ADARB2: variants seen among roughly 807,000 people sequenced by gnomAD.
ADARB2 encodes the protein adenosine deaminase RNA specific B2 (inactive).
Under a neutral mutation model 62.2 loss-of-function variants are expected in ADARB2, and 25 were observed. That is an observed-to-expected ratio of 0.40 (90% CI 0.29 to 0.56). The LOEUF (loss-of-function observed/expected upper bound fraction) is 0.56, where lower values mean the gene tolerates loss of function less well. Ranked by LOEUF, ADARB2 falls within the 20% of genes least tolerant of loss-of-function variation. The pLI, the probability that ADARB2 is intolerant of heterozygous loss-of-function variation, is 0.43. For missense variants in ADARB2, 1,071 were observed against 1,077.4 expected, an observed-to-expected ratio of 0.99 and a Z score of 0.08; for synonymous variants, 572 against 500.8, an observed-to-expected ratio of 1.14 and a Z score of -1.90.
intron 8 of ADARB2, among the ~76,000 whole-genome samples, chr10:1,192,119 G>A (rs924984797): frequency 8.5e-5 from 13 of 152,204 alleles, no homozygotes; most frequent in Non-Finnish European, 1.5e-4. Context: ...TAAGTGAGAC[G>A]TTACAGCATT....
At chr10:1,468,111 C>A (rs2131914573) in intron 1 of ADARB2, among the ~76,000 whole-genome samples, 1 of 152,278 alleles carries the variant, frequency 6.6e-6, no homozygotes, top group Non-Finnish European at 1.5e-5. Flanking sequence ...TCAACCTGTC[C>A]TTATTTTCTG....
chr10:1,246,179 G>T (rs1032933131), intron 4 of ADARB2, among the ~76,000 whole-genome samples: 9 of 151,906 alleles, frequency 5.9e-5, no homozygotes, highest in African/African-American at 2.2e-4. Flanking sequence ...ACTTTTTCAT[G>T]GGGTTGTTTG....
chr10:1,716,721 A>C (rs866987), intron 1 of ADARB2, among the ~76,000 whole-genome samples: 14,163 of 152,216 alleles, frequency 0.093, 1,051 homozygotes, highest in African/African-American at 0.2. Context: ...TTGATTTGGA[A>C]ATTTTACTTT....
chr10:1,302,077 C>T lies in ADARB2; in HGVS notation c.1078-31008G>A, dbSNP rs144707483. Among the ~76,000 whole-genome samples the T allele has an allele frequency of 2.9e-3, 443 of 152,304 alleles. 10 individuals are homozygous for T. In the East Asian group the frequency reaches 0.057, roughly 19 times the overall value. On this transcript the variant is annotated intron_variant, in intron 3 of 9. Coordinates refer to ENST00000381312, the MANE Select transcript of ADARB2 (RefSeq NM_018702.4). ...AGTCTACAGCTCCCAGCCTGAGCGA[C>T]GCAGAAGACGGGTGATTTCTGCATT...
At chr10:1,601,267 G>A (rs183569705) in intron 1 of ADARB2, among the ~76,000 whole-genome samples, 106 of 152,264 alleles carry the variant, frequency 7.0e-4, no homozygotes, top group Non-Finnish European at 3.1e-4. Context: ...GAGCCCAGGC[G>A]TCAATGACCA....
At chr10:1,229,134 A>G (rs561419838) in intron 6 of ADARB2, among the ~76,000 whole-genome samples, 19 of 152,342 alleles carry the variant, frequency 1.2e-4, no homozygotes, top group South Asian at 4.2e-4. Context: ...CCTGAGACCA[A>G]TTGGCATTGA....
chr10:1,455,023 G>A (rs1831080882), intron 1 of ADARB2, among the ~76,000 whole-genome samples: 2 of 152,182 alleles, frequency 1.3e-5, no homozygotes, highest in Admixed American at 6.5e-5. Context: ...TACGAAACAC[G>A]AGACTGGAAT....
chr10:1,669,910 C>T (rs4880526), intron 1 of ADARB2, among the ~76,000 whole-genome samples: 146,987 of 151,528 alleles, frequency 0.97, 71,420 homozygotes, highest in East Asian at 1. Flanking sequence ...ACAGACACAC[C>T]CATAGAGAGA....
Position 1,474,797 on chromosome 10 carries a change from C to A in ADARB2, c.101-95637G>T, listed in dbSNP as rs192661629. ...GAGATGAGATTTACGTGTGCAAAGT[C>A]GGGATGGAAACGCCTGTGTAAGAGT... On this transcript the variant is annotated intron_variant, in intron 1 of 9. Coordinates refer to ENST00000381312, the MANE Select transcript of ADARB2 (RefSeq NM_018702.4). Among the ~76,000 whole-genome samples, 686 of 152,206 alleles carry A rather than the reference C, an allele frequency of 4.5e-3. 6 individuals are homozygous for A. The highest frequency in any genetic ancestry group is 0.01 in the Admixed American group (157 of 15,300).
intron 1 of ADARB2, among the ~76,000 whole-genome samples, chr10:1,633,095 T>C (rs1833863207): frequency 6.6e-6 from 1 of 152,134 alleles, no homozygotes; most frequent in African/African-American, 2.4e-5. Context: ...CTTTTCCTGC[T>C]TCTCCTCCTG....
chr10:1,212,875 C>T (rs551194384), intron 7 of ADARB2, among the ~76,000 whole-genome samples: 13 of 151,670 alleles, frequency 8.6e-5, no homozygotes, highest in South Asian at 6.3e-4. Flanking sequence ...TCCAACCCAC[C>T]GTGGCAGGCA....
intron 1 of ADARB2, among the ~76,000 whole-genome samples, chr10:1,437,844 CGTGT>C (rs1564288917): frequency 5.3e-5 from 8 of 152,132 alleles, no homozygotes; most frequent in African/African-American, 1.7e-4. Context: ...GGATATGGGA[CGTGT>C]AGGGCAGATG....
chr10:1,376,574 T>C (rs1366630416), intron 2 of ADARB2, among the ~76,000 whole-genome samples: 1 of 152,166 alleles, frequency 6.6e-6, no homozygotes, highest in African/African-American at 2.4e-5. Context: ...CTCTCAGGAA[T>C]CTCACGGGCA....
chr10:1,688,484 C>T (rs1337499892), intron 1 of ADARB2, among the ~76,000 whole-genome samples: 5 of 151,758 alleles, frequency 3.3e-5, no homozygotes, highest in African/African-American at 9.7e-5. Context: ...GGGATGGCTC[C>T]GAGGGCAGGT....
chr10:1,659,496 T>C (rs918876049), intron 1 of ADARB2, among the ~76,000 whole-genome samples: 5 of 152,246 alleles, frequency 3.3e-5, no homozygotes, highest in African/African-American at 1.2e-4. Flanking sequence ...TGATCCCTCT[T>C]CCCTGGAAGG....
At chr10:1,636,098 G>A (rs539326315) in intron 1 of ADARB2, among the ~76,000 whole-genome samples, 15 of 152,268 alleles carry the variant, frequency 9.9e-5, no homozygotes, top group African/African-American at 1.4e-4. Flanking sequence ...ACTTTATACC[G>A]GGAACTGGTT....
rs778843871 is a variant in ADARB2, at chr10:1,508,036, C to T, written c.101-128876G>A. ...GTGACCTTGGGGAAACCTCACCTTT[C>T]TAAATCTCACAAGGGAGATCACACA... On this transcript the variant is annotated intron_variant, in intron 1 of 9. Transcript: ENST00000381312. Among the ~76,000 whole-genome samples the T allele has an allele frequency of 5.4e-4, 83 of 152,322 alleles. 1 individual carries two copies. The highest frequency in any genetic ancestry group is 3.4e-3 in the Middle Eastern group (1 of 294).
chr10:1,608,791 A>G lies in ADARB2; in HGVS notation c.100+128260T>C, dbSNP rs183013372. ...AAGAGAAAGAGAAAGAAAGAAAGAA[A>G]GAAAGAAAAGCAAGGGAGGGAGGAG... On this transcript the variant is annotated intron_variant, in intron 1 of 9. Transcript: ENST00000381312. Among the ~76,000 whole-genome samples the G allele has an allele frequency of 2.8e-4, 41 of 148,906 alleles. 1 individual carries two copies. The highest frequency in any genetic ancestry group is 1.0e-3 in the African/African-American group (41 of 39,948).
At chr10:1,273,071 C>G (rs1225866825) in intron 3 of ADARB2, among the ~76,000 whole-genome samples, 1 of 152,160 alleles carries the variant, frequency 6.6e-6, no homozygotes, top group Non-Finnish European at 1.5e-5. Flanking sequence ...GGACAATTGT[C>G]ATTGAATTTA....
Sources: gnomAD v4.1 joint callset for allele counts (sites outside exome capture counted in the v4.1 genomes callset) on GRCh38, gnomAD v4.1.1 for gene constraint, MANE v1.5 for transcripts, NCBI Gene and HGNC (gene_info 2026-07-23, HGNC 2026-07-21) for gene names.